Variants in PPP3CA observed in about 807,000 individuals in gnomAD.
The protein encoded by PPP3CA is protein phosphatase 3 catalytic subunit alpha, also known as CAM-PRP catalytic subunit.
In PPP3CA, 14 loss-of-function variants were observed where a neutral mutation model predicts 66.5. The observed-to-expected ratio is 0.21, with a 90% CI of 0.14 to 0.33. The LOEUF (loss-of-function observed/expected upper bound fraction) is 0.33. Among genes scored for constraint, PPP3CA ranks in the 10% least tolerant of loss-of-function variants. PPP3CA has a pLI of 1.00. For missense variants in PPP3CA, 317 were observed against 639.5 expected (o/e 0.50, Z 5.44); for synonymous variants, 232 against 226.2 (o/e 1.03, Z -0.23).
intron 1 of PPP3CA, among the ~76,000 whole-genome samples, chr4:101,204,635 CAAA>C (rs55925064): frequency 0.045 from 4,825 of 107,402 alleles, 195 homozygotes; most frequent in African/African-American, 0.19. Flanking sequence ...GACTCCATCT[CAAA>C]AAAAAAAAAA....
intron 1 of PPP3CA, among the ~76,000 whole-genome samples, chr4:101,270,762 A>G (rs1354908001): frequency 6.6e-6 from 1 of 152,204 alleles, no homozygotes; most frequent in Non-Finnish European, 1.5e-5. Flanking sequence ...ATAAGACTTA[A>G]CAATTCGATA....
At chr4:101,070,806 CTGA>C (rs1420969582) in intron 8 of PPP3CA, among the ~76,000 whole-genome samples, 2 of 152,094 alleles carry the variant, frequency 1.3e-5, no homozygotes, top group Admixed American at 6.5e-5. Context: ...GAATTTGGGG[CTGA>C]TAATTGATCT....
chr4:101,111,747 T>G (rs1482512801), intron 2 of PPP3CA, among the ~76,000 whole-genome samples: 1 of 152,304 alleles, frequency 6.6e-6, no homozygotes, highest in Non-Finnish European at 1.5e-5. Flanking sequence ...GGGGTGATAC[T>G]GGTACCTTAC....
intron 1 of PPP3CA, 106 bp from the exon 2 acceptor site, chr4:101,196,222 ATT>A: frequency 1.0e-6 from 1 of 999,828 alleles, no homozygotes; most frequent in Non-Finnish European, 1.4e-6. Context: ...CTAATATAAT[ATT>A]TTTAGAGTGG....
chr4:101,206,761 T>C (rs1725142817), intron 1 of PPP3CA, among the ~76,000 whole-genome samples: 1 of 152,220 alleles, frequency 6.6e-6, no homozygotes, highest in African/African-American at 2.4e-5. Context: ...TCACAATTTA[T>C]TTAATACTTC....
intron 1 of PPP3CA, among the ~76,000 whole-genome samples, chr4:101,219,413 A>AT (rs1275812437): frequency 6.6e-6 from 1 of 151,996 alleles, no homozygotes; most frequent in Non-Finnish European, 1.5e-5. Context: ...TGTGAATAAT[A>AT]TTAAAAACTA....
At chr4:101,107,456 A>G (rs1252639520) in intron 3 of PPP3CA, among the ~76,000 whole-genome samples, 1 of 152,198 alleles carries the variant, frequency 6.6e-6, no homozygotes, top group Admixed American at 6.5e-5. Context: ...TATATGCTTG[A>G]CCATACTTGT....
intron 1 of PPP3CA, among the ~76,000 whole-genome samples, chr4:101,303,046 C>A (rs189215592): frequency 7.0e-4 from 106 of 152,254 alleles, no homozygotes; most frequent in Non-Finnish European, 1.3e-3. Flanking sequence ...AAACTCTAGA[C>A]AAATTTTTCA....
chr4:101,088,344 G>T (rs1215460701), intron 6 of PPP3CA, among the ~76,000 whole-genome samples: 1 of 152,086 alleles, frequency 6.6e-6, no homozygotes, highest in Non-Finnish European at 1.5e-5. Flanking sequence ...CCAGCACTTT[G>T]GGAGGCCGAG....
intron 1 of PPP3CA, among the ~76,000 whole-genome samples, chr4:101,198,151 A>G (rs1355189343): frequency 1.3e-5 from 2 of 152,200 alleles, no homozygotes; most frequent in African/African-American, 4.8e-5. Flanking sequence ...AGGGGAGAAA[A>G]AGAGGAAATT....
Position 101,346,874 on chromosome 4 carries a change from TCAACGCCGC to T in PPP3CA, c.-87_-79del. The T allele has an allele frequency of 7.4e-7, 1 of 1,355,168 alleles. No individual in the cohort carries two copies. The highest frequency in any genetic ancestry group is 9.9e-7 in the Non-Finnish European group (1 of 1,005,860). The allele number at this position is 1,355,168 out of a possible 1,614,324, so 83.9% of individuals were successfully genotyped here. ...CCGACCGGACCGGCGGGCCAGACAC[TCAACGCCGC>T]CGCCGCCGCCGCCGCCGCCGCGCTG... On this transcript the variant is annotated 5_prime_UTR_variant, in exon 1 of 14. Transcript: ENST00000394854.
chr4:101,229,711 T>A (rs901917286), intron 1 of PPP3CA, among the ~76,000 whole-genome samples: 10 of 151,764 alleles, frequency 6.6e-5, no homozygotes, highest in Admixed American at 6.6e-4. Flanking sequence ...AATGTTGAGT[T>A]AACTGTTCCC....
intron 2 of PPP3CA, among the ~76,000 whole-genome samples, chr4:101,146,793 T>C (rs868228219): frequency 6.6e-6 from 1 of 152,274 alleles, no homozygotes; most frequent in East Asian, 1.9e-4. Context: ...GTTCTTGACA[T>C]ACAGTACAGA....
At chr4:101,029,075 C>T (rs893214837) in intron 13 of PPP3CA, 91 bp downstream of exon 13, 1 of 1,256,908 alleles carries the variant, frequency 8.0e-7, no homozygotes, top group Non-Finnish European at 1.2e-6. Context: ...AACACCCACA[C>T]ACTCTGTACA....
intron 5 of PPP3CA, among the ~76,000 whole-genome samples, chr4:101,096,675 T>C (rs755095764): frequency 2.2e-4 from 34 of 152,320 alleles, no homozygotes; most frequent in Non-Finnish European, 4.4e-4. Flanking sequence ...AATGCATGTC[T>C]TTCATGCCCA....
chr4:101,046,422 T>C (rs962714483), intron 10 of PPP3CA, among the ~76,000 whole-genome samples: 1 of 152,118 alleles, frequency 6.6e-6, no homozygotes, highest in Non-Finnish European at 1.5e-5. Context: ...GCCATGAGCT[T>C]TTTGTTATCA....
intron 10 of PPP3CA, among the ~76,000 whole-genome samples, chr4:101,055,906 CA>C (rs1281746708): frequency 6.6e-6 from 1 of 151,418 alleles, no homozygotes; most frequent in Non-Finnish European, 1.5e-5. Flanking sequence ...TTTAACAGAA[CA>C]AATTAAAGCA....
chr4:101,072,935 CAA>C (rs71596318), intron 8 of PPP3CA, among the ~76,000 whole-genome samples: 14 of 59,240 alleles, frequency 2.4e-4, no homozygotes, highest in African/African-American at 6.9e-4. Context: ...GACTCCTTCT[CAA>C]AAAAAAAAAA....
chr4:101,342,400 G>A (rs1257449187), intron 1 of PPP3CA, among the ~76,000 whole-genome samples: 1 of 152,032 alleles, frequency 6.6e-6, no homozygotes, highest in Non-Finnish European at 1.5e-5. Context: ...CAATGCACTT[G>A]TGTTATATTC....
Sources: allele counts gnomAD v4.1 joint callset (sites outside exome capture counted in the v4.1 genomes callset), GRCh38; gene constraint gnomAD v4.1.1; transcripts MANE v1.5; gene names NCBI Gene and HGNC (gene_info 2026-07-23, HGNC 2026-07-21).